The following ERBB4 variants were observed in gnomAD, a reference collection of about 807,000 sequenced individuals.
The protein encoded by ERBB4 is receptor tyrosine-protein kinase erbB-4.
A neutral mutation model predicts 158.0 loss-of-function variants in ERBB4; 42 were observed. The ratio of observed to expected loss-of-function variants is 0.27; its 90% CI spans 0.21 to 0.34. ERBB4 has a LOEUF of 0.34. Among genes scored for constraint, ERBB4 ranks in the 10% least tolerant of loss-of-function variants. The probability of loss-of-function intolerance (pLI) is 1.00; values close to 1 mark genes in which losing one functional copy is unlikely to be tolerated. For synonymous variants in ERBB4, 583 were observed against 558.7 expected, an observed-to-expected ratio of 1.04 and a Z score of -0.61; for missense variants, 1,333 against 1,624.1, an observed-to-expected ratio of 0.82 and a Z score of 3.08.
chr2:212,460,729 G>C (rs1254711181), intron 1 of ERBB4, among the ~76,000 whole-genome samples: 1 of 152,132 alleles, frequency 6.6e-6, no homozygotes, highest in African/African-American at 2.4e-5. Context: ...ATTTCCAACT[G>C]GACAATGCCA....
At chr2:211,771,907 G>A (rs950661621) in intron 4 of ERBB4, among the ~76,000 whole-genome samples, 4 of 152,090 alleles carry the variant, frequency 2.6e-5, no homozygotes, top group African/African-American at 9.7e-5. Context: ...GTAGTACCTG[G>A]TGTACAAGGC....
chr2:211,599,580 C>CCCT (rs74365483), intron 19 of ERBB4, among the ~76,000 whole-genome samples: 2 of 150,264 alleles, frequency 1.3e-5, no homozygotes, highest in Non-Finnish European at 3.0e-5. Flanking sequence ...CATTTAGAGT[C>CCCT]CTGTCAAGAA....
intron 19 of ERBB4, among the ~76,000 whole-genome samples, chr2:211,607,029 T>C (rs760578920): frequency 3.3e-5 from 5 of 152,164 alleles, no homozygotes; most frequent in Non-Finnish European, 7.3e-5. Context: ...TTGTACGCAT[T>C]ATACTAGACA....
At chr2:212,271,208 T>C (rs2085332158) in intron 1 of ERBB4, among the ~76,000 whole-genome samples, 1 of 151,720 alleles carries the variant, frequency 6.6e-6, no homozygotes, top group South Asian at 2.1e-4. Flanking sequence ...CTTTCAGCAT[T>C]GTTATAATGC....
intron 3 of ERBB4, among the ~76,000 whole-genome samples, chr2:211,928,233 C>T (rs554353982): frequency 2.0e-5 from 3 of 152,166 alleles, no homozygotes; most frequent in African/African-American, 7.2e-5. Flanking sequence ...ATGCCCTGAA[C>T]TTCATCTGTA....
At chr2:211,751,685 G>A (rs531703892) in intron 4 of ERBB4, among the ~76,000 whole-genome samples, 4 of 152,150 alleles carry the variant, frequency 2.6e-5, no homozygotes, top group African/African-American at 7.2e-5. Flanking sequence ...ATAACATCTC[G>A]TCAGATGCTC....
chr2:211,966,178 C>A (rs2081306159), intron 2 of ERBB4, among the ~76,000 whole-genome samples: 1 of 152,150 alleles, frequency 6.6e-6, no homozygotes, highest in Non-Finnish European at 1.5e-5. Flanking sequence ...CACGCCATTG[C>A]ACTCCAGCTT....
intron 12 of ERBB4, among the ~76,000 whole-genome samples, chr2:211,690,755 C>T (rs1357495731): frequency 1.3e-5 from 2 of 152,124 alleles, no homozygotes; most frequent in African/African-American, 4.8e-5. Flanking sequence ...CCTCTGACTT[C>T]CTGCAGTGAT....
intron 1 of ERBB4, among the ~76,000 whole-genome samples, chr2:212,394,499 TATC>T (rs1264561027): frequency 6.6e-6 from 1 of 152,052 alleles, no homozygotes; most frequent in African/African-American, 2.4e-5. Flanking sequence ...ATTTTCCTGT[TATC>T]ATTCTATCAA....
At chr2:211,678,704 C>T (rs555377499) in intron 13 of ERBB4, among the ~76,000 whole-genome samples, 64 of 152,162 alleles carry the variant, frequency 4.2e-4, no homozygotes, top group African/African-American at 9.4e-4. Context: ...CAGTGGCTCA[C>T]GCCTGTAATC....
chr2:212,441,544 A>T (rs1431343781), intron 1 of ERBB4, among the ~76,000 whole-genome samples: 2 of 152,202 alleles, frequency 1.3e-5, no homozygotes, highest in African/African-American at 2.4e-5. Flanking sequence ...TCTAATCTAT[A>T]TAAGTAGAAA....
At chr2:212,365,324 G>C (rs1216006492) in intron 1 of ERBB4, among the ~76,000 whole-genome samples, 1 of 151,432 alleles carries the variant, frequency 6.6e-6, no homozygotes, top group African/African-American at 2.4e-5. Flanking sequence ...AGTTGTTTTG[G>C]AATAATATAT....
At chr2:211,935,772 C>T (rs2080305322) in intron 3 of ERBB4, among the ~76,000 whole-genome samples, 1 of 152,116 alleles carries the variant, frequency 6.6e-6, no homozygotes, top group Non-Finnish European at 1.5e-5. Context: ...TATCTATATC[C>T]TATTGGTTCT....
intron 21 of ERBB4, among the ~76,000 whole-genome samples, chr2:211,429,027 A>T (rs114113574): frequency 0.042 from 6,265 of 149,128 alleles, 260 homozygotes; most frequent in African/African-American, 0.11. Flanking sequence ...TATTTTTTTA[A>T]AAAAAAAGCT....
chr2:211,652,855 A>G (rs2105887103), intron 16 of ERBB4, among the ~76,000 whole-genome samples: 1 of 152,316 alleles, frequency 6.6e-6, no homozygotes, highest in South Asian at 2.1e-4. Flanking sequence ...CAGTTAACAC[A>G]TGGACTGCTA....
intron 2 of ERBB4, among the ~76,000 whole-genome samples, chr2:212,061,844 TC>T (rs369869645): frequency 1.4e-4 from 21 of 151,646 alleles, no homozygotes; most frequent in African/African-American, 4.6e-4. Flanking sequence ...CTAGCAATTC[TC>T]CTGCCTCAGC....
At chr2:212,115,673 T>G (rs1025553210) in intron 2 of ERBB4, among the ~76,000 whole-genome samples, 5 of 152,160 alleles carry the variant, frequency 3.3e-5, no homozygotes, top group Non-Finnish European at 4.4e-5. Context: ...ATTTGTTTAT[T>G]TTGTTTCATT....
At chr2:211,415,884 A>G (rs2063378424) in intron 25 of ERBB4, among the ~76,000 whole-genome samples, 1 of 152,216 alleles carries the variant, frequency 6.6e-6, no homozygotes, top group Admixed American at 6.5e-5. Context: ...GAGGAAGAGG[A>G]AAATGCAAAT....
intron 2 of ERBB4, among the ~76,000 whole-genome samples, chr2:212,085,127 T>TA (rs2078564424): frequency 6.6e-6 from 1 of 151,938 alleles, no homozygotes; most frequent in Admixed American, 6.6e-5. Context: ...AACTGTTCTT[T>TA]AAAAATGTGC....
Sources: gnomAD v4.1 joint callset for allele counts (sites outside exome capture counted in the v4.1 genomes callset) on GRCh38, gnomAD v4.1.1 for gene constraint, MANE v1.5 for transcripts, NCBI Gene and HGNC (gene_info 2026-07-23, HGNC 2026-07-21) for gene names.